CSMD3: variants seen among roughly 807,000 people sequenced by gnomAD.
CSMD3 encodes the protein CUB and sushi domain-containing protein 3.
CSMD3 carries 177 observed loss-of-function variants against 435.2 expected under a neutral mutation model. The observed-to-expected ratio is 0.41, with a 90% confidence interval of 0.36 to 0.46. CSMD3 has a LOEUF of 0.46. Among genes scored for constraint, CSMD3 ranks in the 20% least tolerant of loss-of-function variants. CSMD3 has a pLI of 0.34. For synonymous variants in CSMD3, 1,656 were observed against 1,520.5 expected (o/e 1.09, Z -2.07); for missense variants, 4,265 against 4,504.6 (o/e 0.95, Z 1.52).
At chr8:112,344,361 T>C (rs1237877786) in intron 41 of CSMD3, among the ~76,000 whole-genome samples, 2 of 152,204 alleles carry the variant, frequency 1.3e-5, no homozygotes, top group African/African-American at 4.8e-5. Context: ...TAAAGAAAAA[T>C]GCAAAGTCTG....
intron 10 of CSMD3, among the ~76,000 whole-genome samples, chr8:112,915,328 G>A (rs1394760120): frequency 6.6e-6 from 1 of 151,400 alleles, no homozygotes; most frequent in East Asian, 1.9e-4. Context: ...TGTTGTTTGG[G>A]CATGATGTAG....
intron 3 of CSMD3, among the ~76,000 whole-genome samples, chr8:113,259,322 T>C (rs1341098270): frequency 1.3e-5 from 2 of 152,150 alleles, no homozygotes; most frequent in African/African-American, 2.4e-5. Flanking sequence ...CTTAAAATAA[T>C]TGTACTAGTA....
At chr8:112,900,802 A>G (rs2082091937) in intron 10 of CSMD3, among the ~76,000 whole-genome samples, 1 of 151,424 alleles carries the variant, frequency 6.6e-6, no homozygotes, top group East Asian at 2.0e-4. Flanking sequence ...AGTGGCAACT[A>G]CATGGACCAA....
At chr8:113,044,234 G>T (rs1406109601) in intron 5 of CSMD3, among the ~76,000 whole-genome samples, 4 of 152,042 alleles carry the variant, frequency 2.6e-5, no homozygotes, top group Non-Finnish European at 4.4e-5. Flanking sequence ...GCACAAGACA[G>T]AACAGAACAT....
intron 52 of CSMD3, among the ~76,000 whole-genome samples, chr8:112,302,383 C>T (rs1034807092): frequency 1.3e-5 from 2 of 151,998 alleles, no homozygotes; most frequent in Non-Finnish European, 2.9e-5. Context: ...CATATCTAAA[C>T]CAACATTAAA....
intron 1 of CSMD3, among the ~76,000 whole-genome samples, chr8:113,370,217 A>G (rs974517871): frequency 2.0e-5 from 3 of 151,330 alleles, no homozygotes; most frequent in Non-Finnish European, 4.4e-5. Context: ...AATAAATTTA[A>G]AAAAACACAT....
At position 113,071,101 on chromosome 8, in the gene CSMD3, A is replaced by G. The variant is rs2089094517; in HGVS notation, c.917+27655T>C. ...CGAGTGCCTTTTCCTAAACTTCTTG[A>G]TCATTGGTATGTCCTCACTTGGGAA... On this transcript the variant is annotated intron_variant, in intron 5 of 70. Transcript: ENST00000297405. Among the ~76,000 whole-genome samples, 5 of 151,950 alleles carry G rather than the reference A, an allele frequency of 3.3e-5. No individual in the cohort carries two copies. In the South Asian group the frequency reaches 1.0e-3, roughly 32 times the overall value.
intron 3 of CSMD3, among the ~76,000 whole-genome samples, chr8:113,198,345 A>G (rs2092682159): frequency 6.6e-6 from 1 of 151,290 alleles, no homozygotes; most frequent in Non-Finnish European, 1.5e-5. Flanking sequence ...TACATACTAT[A>G]TATGTGATGT....
chr8:113,360,595 A>T, intron 1 of CSMD3, among the ~76,000 whole-genome samples: 2 of 108,850 alleles, frequency 1.8e-5, no homozygotes, highest in Non-Finnish European at 1.7e-5. Flanking sequence ...TTTTTTTGAG[A>T]CGGAGTCTCG....
intron 5 of CSMD3, among the ~76,000 whole-genome samples, chr8:113,094,790 G>T (rs530994815): frequency 2.6e-5 from 4 of 151,996 alleles, no homozygotes; most frequent in Non-Finnish European, 5.9e-5. Context: ...ATCATATGTG[G>T]GCCAGGTGCG....
At chr8:113,234,977 C>T (rs2093131016) in intron 3 of CSMD3, among the ~76,000 whole-genome samples, 1 of 151,946 alleles carries the variant, frequency 6.6e-6, no homozygotes, top group Non-Finnish European at 1.5e-5. Context: ...CTCTATGGAG[C>T]GTCTAGGCAG....
chr8:113,407,551 T>TAC (rs1290520747), intron 1 of CSMD3, among the ~76,000 whole-genome samples: 4 of 151,814 alleles, frequency 2.6e-5, no homozygotes, highest in South Asian at 2.1e-4. Flanking sequence ...GATACATACA[T>TAC]ACACACACAC....
intron 22 of CSMD3, among the ~76,000 whole-genome samples, chr8:112,614,756 C>T (rs1833534135): frequency 6.6e-6 from 1 of 151,688 alleles, no homozygotes; most frequent in Non-Finnish European, 1.5e-5. Flanking sequence ...AGTTTAAATC[C>T]CATGTTCTAT....
chr8:112,834,800 ATAT>A (rs1379580678), intron 11 of CSMD3, among the ~76,000 whole-genome samples: 1 of 151,866 alleles, frequency 6.6e-6, no homozygotes, highest in African/African-American at 2.4e-5. Context: ...AATAGGAAAA[ATAT>A]TATGCATTTA....
At chr8:112,343,595 C>A (rs1825383356) in intron 41 of CSMD3, among the ~76,000 whole-genome samples, 1 of 152,184 alleles carries the variant, frequency 6.6e-6, no homozygotes, top group Non-Finnish European at 1.5e-5. Flanking sequence ...ACACGTCCTG[C>A]AGCAGACTGA....
At chr8:113,060,820 C>A (rs1192948477) in intron 5 of CSMD3, among the ~76,000 whole-genome samples, 1 of 152,158 alleles carries the variant, frequency 6.6e-6, no homozygotes, top group African/African-American at 2.4e-5. Context: ...TAACTCTCTA[C>A]CCTGCATCGC....
intron 68 of CSMD3, among the ~76,000 whole-genome samples, chr8:112,234,125 T>C (rs1364397013): frequency 2.7e-5 from 4 of 145,940 alleles, no homozygotes; most frequent in African/African-American, 1.0e-4. Flanking sequence ...ACCCATACCC[T>C]CCCCCACACA....
chr8:112,511,303 G>T (rs1823092546), intron 28 of CSMD3, among the ~76,000 whole-genome samples: 1 of 151,996 alleles, frequency 6.6e-6, no homozygotes, highest in Admixed American at 6.6e-5. Context: ...AGTGGAGGAG[G>T]GTCTTGCCTA....
At chr8:112,737,080 A>G (rs547942021) in intron 13 of CSMD3, among the ~76,000 whole-genome samples, 3 of 152,000 alleles carry the variant, frequency 2.0e-5, no homozygotes, top group Non-Finnish European at 4.4e-5. Flanking sequence ...AATCTGAGAG[A>G]GACATAAAAT....
Sources: allele counts gnomAD v4.1 joint callset (sites outside exome capture counted in the v4.1 genomes callset), GRCh38; gene constraint gnomAD v4.1.1; transcripts MANE v1.5; gene names NCBI Gene and HGNC (gene_info 2026-07-23, HGNC 2026-07-21).